The following CDK14 variants were observed in gnomAD, a reference collection of about 807,000 sequenced individuals.
CDK14 encodes the protein cyclin-dependent kinase 14.
CDK14 carries 34 observed loss-of-function variants against 60.7 expected under a neutral mutation model. The observed-to-expected ratio is 0.56, with a 90% CI of 0.43 to 0.75. CDK14 has a LOEUF of 0.75. Ranked by LOEUF, CDK14 falls within the 30% of genes least tolerant of loss-of-function variation. CDK14 has a pLI of 0.00. For synonymous variants in CDK14, 197 were observed against 203.7 expected, an observed-to-expected ratio of 0.97 and a Z score of 0.28; for missense variants, 482 against 564.1, an observed-to-expected ratio of 0.85 and a Z score of 1.47.
At chr7:91,011,414 G>T (rs6970416) in intron 10 of CDK14, among the ~76,000 whole-genome samples, 35,302 of 151,976 alleles carry the variant, frequency 0.23, 4,388 homozygotes, top group Non-Finnish European at 0.27. Flanking sequence ...TAATTATAAT[G>T]CATTTTGGTG....
chr7:90,929,741 C>T (rs1479827354), intron 8 of CDK14, among the ~76,000 whole-genome samples: 1 of 152,166 alleles, frequency 6.6e-6, no homozygotes, highest in Non-Finnish European at 1.5e-5. Context: ...TCATAAACAG[C>T]TTAGTGTTTC....
chr7:91,102,005 G>A (rs1397263544), intron 12 of CDK14, among the ~76,000 whole-genome samples: 1 of 152,180 alleles, frequency 6.6e-6, no homozygotes, highest in East Asian at 1.9e-4. Flanking sequence ...TGACAGTTCT[G>A]TTCAGTAGTT....
In CDK14 at chr7:90,596,644, A is replaced by T. The variant is rs1353862383; in HGVS notation, c.17A>T (p.Glu6Val). The T allele has an allele frequency of 6.2e-7, 1 of 1,611,926 alleles. No individual in the cohort carries two copies. Among genetic ancestry groups the T allele is most frequent in the Non-Finnish European group, 8.5e-7 (1 of 1,179,394 alleles). The change falls in exon 1 of 15, where the codon GAG becomes GTG. Residue 6 changes from glutamate (E) to valine (V), a missense_variant. Coordinates refer to ENST00000380050, the MANE Select transcript of CDK14 (RefSeq NM_001287135.2). MCDLI[E>V]PQPAEKIGKM... is the part of the protein sequence containing the mutation. Reference sequence around the variant, plus strand: ...GTCGCCCAGATGTGTGACCTCATTGAGCCGCAGCCGGCCGAGAAGATCGGC... The same window carrying T: ...GTCGCCCAGATGTGTGACCTCATTGTGCCGCAGCCGGCCGAGAAGATCGGC...
At chr7:91,125,572 T>A (rs36108547) in intron 14 of CDK14, among the ~76,000 whole-genome samples, 1 of 152,006 alleles carries the variant, frequency 6.6e-6, no homozygotes, top group African/African-American at 2.4e-5. Context: ...ACACCATTCA[T>A]ACAGCCAAAA....
intron 9 of CDK14, among the ~76,000 whole-genome samples, chr7:90,963,958 C>T (rs568853763): frequency 4.4e-4 from 67 of 152,190 alleles, no homozygotes; most frequent in Non-Finnish European, 8.4e-4. Context: ...TCGAGATCCA[C>T]CTGCCTCGGT....
chr7:90,598,169 C>G (rs1364333334), intron 1 of CDK14, among the ~76,000 whole-genome samples: 1 of 152,210 alleles, frequency 6.6e-6, no homozygotes, highest in African/African-American at 2.4e-5. Flanking sequence ...TTTACTAATG[C>G]TAATGATTCT....
At chr7:91,109,266 A>G (rs980686542) in intron 12 of CDK14, among the ~76,000 whole-genome samples, 1 of 152,140 alleles carries the variant, frequency 6.6e-6, no homozygotes, top group Non-Finnish European at 1.5e-5. Flanking sequence ...CAATCAGTGA[A>G]ATGGTAATGT....
intron 12 of CDK14, among the ~76,000 whole-genome samples, chr7:91,105,047 A>G (rs1584065783): frequency 6.6e-6 from 1 of 152,244 alleles, no homozygotes; most frequent in Non-Finnish European, 1.5e-5. Flanking sequence ...TAGTACTAAA[A>G]GTCACCTAAA....
chr7:90,991,226 C>T (rs956257177), intron 10 of CDK14, among the ~76,000 whole-genome samples: 2 of 152,070 alleles, frequency 1.3e-5, no homozygotes, highest in Non-Finnish European at 2.9e-5. Context: ...GCGGTGACCT[C>T]AGATGGACAT....
At chr7:91,082,302 A>G (rs1024328753) in intron 12 of CDK14, among the ~76,000 whole-genome samples, 3 of 152,238 alleles carry the variant, frequency 2.0e-5, no homozygotes, top group Non-Finnish European at 4.4e-5. Context: ...TGAAAGTATC[A>G]AAAAGAGAAC....
intron 5 of CDK14, among the ~76,000 whole-genome samples, chr7:90,833,361 T>C (rs1318819827): frequency 1.3e-5 from 2 of 152,230 alleles, no homozygotes; most frequent in African/African-American, 4.8e-5. Context: ...ATACCCCAGA[T>C]ATACTGAATC....
chr7:90,743,871 A>T, intron 3 of CDK14, among the ~76,000 whole-genome samples: 2 of 149,040 alleles, frequency 1.3e-5, no homozygotes, highest in African/African-American at 4.9e-5. Context: ...CTCTTTTTTA[A>T]TCTCTTCTTA....
At chr7:91,118,943 C>G (rs1206922808) in intron 14 of CDK14, among the ~76,000 whole-genome samples, 4 of 152,084 alleles carry the variant, frequency 2.6e-5, no homozygotes, top group Non-Finnish European at 5.9e-5. Flanking sequence ...TACGTAGTGA[C>G]CAGCCTGGGA....
intron 4 of CDK14, among the ~76,000 whole-genome samples, chr7:90,759,716 C>T (rs558486754): frequency 1.3e-5 from 2 of 152,316 alleles, no homozygotes; most frequent in Non-Finnish European, 2.9e-5. Context: ...TTCTTTCCTA[C>T]TGAATCTAGG....
intron 2 of CDK14, among the ~76,000 whole-genome samples, chr7:90,678,269 G>C (rs1046782482): frequency 6.6e-6 from 1 of 152,206 alleles, no homozygotes; most frequent in African/African-American, 2.4e-5. Flanking sequence ...CAGAGGAGGA[G>C]AGAGTGGAAG....
At chr7:90,813,658 A>G (rs906871758) in intron 5 of CDK14, among the ~76,000 whole-genome samples, 8 of 152,164 alleles carry the variant, frequency 5.3e-5, no homozygotes, top group African/African-American at 1.9e-4. Flanking sequence ...CTGAGACAGA[A>G]GAATTGCTTG....
At chr7:91,119,330 A>G (rs977289858) in intron 14 of CDK14, among the ~76,000 whole-genome samples, 4 of 151,962 alleles carry the variant, frequency 2.6e-5, no homozygotes, top group Non-Finnish European at 5.9e-5. Flanking sequence ...AAAATACAAA[A>G]ATTACCTGGG....
At chr7:90,853,940 C>G (rs142900976) in intron 5 of CDK14, among the ~76,000 whole-genome samples, 2,269 of 152,228 alleles carry the variant, frequency 0.015, 25 homozygotes, top group Admixed American at 0.025. Context: ...TGGTCTGTTT[C>G]TCCATAAAGG....
At chr7:91,108,895 TAAAAG>T (rs774929286) in intron 12 of CDK14, among the ~76,000 whole-genome samples, 40 of 152,284 alleles carry the variant, frequency 2.6e-4, no homozygotes, top group African/African-American at 7.2e-4. Flanking sequence ...AGGTGCAACT[TAAAAG>T]AGAAGATCTG....
Sources: allele counts gnomAD v4.1 joint callset (sites outside exome capture counted in the v4.1 genomes callset), GRCh38; gene constraint gnomAD v4.1.1; transcripts MANE v1.5; gene names NCBI Gene and HGNC (gene_info 2026-07-23, HGNC 2026-07-21).